The following MYO9A variants were observed in gnomAD, a reference collection of about 807,000 sequenced individuals.
MYO9A encodes the protein myosin IXA.
MYO9A carries 103 observed loss-of-function variants against 293.3 expected under a neutral mutation model. That is an observed-to-expected ratio of 0.35 (90% CI 0.30 to 0.41). The LOEUF (loss-of-function observed/expected upper bound fraction) is 0.41, where lower values mean the gene tolerates loss of function less well. Ranked by LOEUF, MYO9A falls within the 10% of genes least tolerant of loss-of-function variation. MYO9A has a pLI of 1.00. For missense variants in MYO9A, 2,685 were observed against 3,033.0 expected (o/e 0.89, Z 2.69); for synonymous variants, 1,001 against 1,035.7 (o/e 0.97, Z 0.64).
intron 1 of MYO9A, among the ~76,000 whole-genome samples, chr15:72,061,071 C>A (rs546126825): frequency 9.2e-5 from 14 of 152,304 alleles, no homozygotes; most frequent in African/African-American, 3.1e-4. Flanking sequence ...TAGACACACC[C>A]TGAACCAGAA....
chr15:71,920,611 A>T (rs1223762428), intron 18 of MYO9A, among the ~76,000 whole-genome samples: 1 of 152,148 alleles, frequency 6.6e-6, no homozygotes, highest in Non-Finnish European at 1.5e-5. Flanking sequence ...AAACAAACTA[A>T]GGCATTTCTC....
rs566374744 is a variant in MYO9A, at chr15:71,982,210, C to T, written c.1723-3918G>A. Among the ~76,000 whole-genome samples the T allele has an allele frequency of 3.3e-5, 5 of 151,680 alleles. No individual in the cohort carries two copies. In the East Asian group the frequency reaches 7.7e-4, roughly 23 times the overall value. ...AACTTTTTTGTATTTTTAGTAAAGA[C>T]GGGGTTTCACCGTGTTAGCCAGGAT... On this transcript the variant is annotated intron_variant, in intron 11 of 41. Transcript: ENST00000356056.
chr15:71,892,874 TG>T, intron 26 of MYO9A: 2 of 797,470 alleles, frequency 2.5e-6, no homozygotes, highest in Non-Finnish European at 3.4e-6. Flanking sequence ...AACCATTACA[TG>T]GGAAGAAGCT....
intron 3 of MYO9A, among the ~76,000 whole-genome samples, chr15:72,029,985 C>T (rs1419471572): frequency 6.6e-6 from 1 of 152,160 alleles, no homozygotes; most frequent in Admixed American, 6.6e-5. Context: ...CCATTCACTC[C>T]TAACTGCACT....
chr15:71,859,684 C>T (rs779034858), intron 34 of MYO9A, 51 bp downstream of exon 34: 2 of 1,478,644 alleles, frequency 1.4e-6, no homozygotes, highest in South Asian at 2.4e-5. Context: ...CCATAAGGCA[C>T]AAAAGACCAA....
At chr15:71,970,382 C>T (rs1244714896) in intron 12 of MYO9A, among the ~76,000 whole-genome samples, 1 of 152,186 alleles carries the variant, frequency 6.6e-6, no homozygotes. Flanking sequence ...TAAACCCATA[C>T]ACCTAGAGCA....
chr15:72,091,006 A>T (rs924355126), intron 1 of MYO9A, among the ~76,000 whole-genome samples: 3 of 147,542 alleles, frequency 2.0e-5, no homozygotes, highest in Non-Finnish European at 4.6e-5. Flanking sequence ...AAAATAAAAA[A>T]ATAAAAAAGC....
At chr15:71,910,090 ATATATATATACG>A (rs2057788583) in intron 19 of MYO9A, among the ~76,000 whole-genome samples, 2 of 146,592 alleles carry the variant, frequency 1.4e-5, no homozygotes, top group African/African-American at 5.0e-5. Context: ...ATATACACGT[ATATATATATACG>A]TATATATATA....
At chr15:72,049,156 C>G (rs1016446409) in intron 1 of MYO9A, among the ~76,000 whole-genome samples, 5 of 152,162 alleles carry the variant, frequency 3.3e-5, no homozygotes, top group Non-Finnish European at 7.4e-5. Flanking sequence ...GTTTTTCATA[C>G]AAACACTTAC....
At chr15:71,971,324 T>A (rs1287221724) in intron 12 of MYO9A, among the ~76,000 whole-genome samples, 1 of 151,800 alleles carries the variant, frequency 6.6e-6, no homozygotes, top group Non-Finnish European at 1.5e-5. Context: ...GTGATTCTCA[T>A]ATGTAATCCC....
At chr15:71,883,449 A>T in intron 28 of MYO9A, 145 bp downstream of exon 28, 1 of 802,382 alleles carries the variant, frequency 1.2e-6, no homozygotes, top group Non-Finnish European at 1.8e-6. Context: ...TTTTTTAGTT[A>T]AGGAAGGATT....
intron 9 of MYO9A, among the ~76,000 whole-genome samples, chr15:71,999,432 GA>G (rs896166082): frequency 2.0e-5 from 3 of 148,806 alleles, no homozygotes; most frequent in Non-Finnish European, 4.5e-5. Flanking sequence ...TAGAGATAAA[GA>G]AAAAAAAATA....
At chr15:72,022,911 C>G (rs1481365601) in intron 4 of MYO9A, among the ~76,000 whole-genome samples, 2 of 152,060 alleles carry the variant, frequency 1.3e-5, no homozygotes, top group Admixed American at 1.3e-4. Flanking sequence ...AGAAAGAAGA[C>G]AGTATAGCCG....
intron 15 of MYO9A, among the ~76,000 whole-genome samples, chr15:71,946,916 C>T (rs1202947968): frequency 6.6e-6 from 1 of 152,150 alleles, no homozygotes; most frequent in East Asian, 1.9e-4. Flanking sequence ...GAGTTTGAGA[C>T]CAGCCTGGAC....
chr15:72,014,719 AAGAAG>A (rs1030487272), intron 6 of MYO9A, among the ~76,000 whole-genome samples: 4 of 151,498 alleles, frequency 2.6e-5, no homozygotes, highest in Admixed American at 6.6e-5. Context: ...AAGAAAAGAA[AAGAAG>A]AGAAGAGAGA....
intron 9 of MYO9A, chr15:71,998,979 T>C (rs1001855260): frequency 6.6e-5 from 10 of 152,094 alleles, no homozygotes; most frequent in African/African-American, 1.9e-4. Context: ...AGTCTATCAA[T>C]GTCCAACAAA....
chr15:71,902,678 T>C (rs973507804), intron 22 of MYO9A, among the ~76,000 whole-genome samples: 20 of 152,180 alleles, frequency 1.3e-4, no homozygotes, highest in African/African-American at 4.8e-4. Context: ...TATGGTCACC[T>C]TGGGCAAGCT....
At chr15:71,909,505 A>G (rs1331624427) in intron 19 of MYO9A, among the ~76,000 whole-genome samples, 1 of 152,224 alleles carries the variant, frequency 6.6e-6, no homozygotes, top group African/African-American at 2.4e-5. Flanking sequence ...ATAACATATA[A>G]TGTGGAACAT....
intron 13 of MYO9A, among the ~76,000 whole-genome samples, chr15:71,961,003 G>C (rs372662111): frequency 2.6e-5 from 4 of 152,326 alleles, no homozygotes; most frequent in African/African-American, 9.6e-5. Flanking sequence ...CTGAACTTCA[G>C]TTGTTTGTTC....
Sources: gnomAD v4.1 joint callset for allele counts (sites outside exome capture counted in the v4.1 genomes callset) on GRCh38, gnomAD v4.1.1 for gene constraint, MANE v1.5 for transcripts, NCBI Gene and HGNC (gene_info 2026-07-23, HGNC 2026-07-21) for gene names.